The following LHFPL6 variants were observed in gnomAD, a reference collection of about 807,000 sequenced individuals.
LHFPL6 encodes the protein LHFPL tetraspan subfamily member 6 protein.
In LHFPL6, 9 loss-of-function variants were observed where a neutral mutation model predicts 20.6. The ratio of observed to expected loss-of-function variants is 0.44; its 90% confidence interval spans 0.26 to 0.76. LHFPL6 has a LOEUF of 0.76. LHFPL6 is among the 30% of genes least tolerant of loss of function. The probability of loss-of-function intolerance (pLI) is 0.20; values close to 1 mark genes in which losing one functional copy is unlikely to be tolerated. For synonymous variants in LHFPL6, 105 were observed against 98.7 expected, an observed-to-expected ratio of 1.06 and a Z score of -0.38; for missense variants, 218 against 253.5, an observed-to-expected ratio of 0.86 and a Z score of 0.95.
At chr13:39,506,351 T>C (rs1869483165) in intron 2 of LHFPL6, among the ~76,000 whole-genome samples, 1 of 152,148 alleles carries the variant, frequency 6.6e-6, no homozygotes, top group East Asian at 1.9e-4. Context: ...AGGATCCTAA[T>C]GGTGTTCAGT....
chr13:39,568,140 T>C (rs544973876), intron 2 of LHFPL6, among the ~76,000 whole-genome samples: 1 of 152,294 alleles, frequency 6.6e-6, no homozygotes, highest in South Asian at 2.1e-4. Flanking sequence ...AAGTGTTAGG[T>C]AGAGAAAACT....
rs143030484 is a variant in LHFPL6 at position 39,404,768 on chromosome 13, T to C, written c.386-26242A>G. 6.2e-4 allele frequency among the ~76,000 whole-genome samples: 95 copies of C among 152,324 alleles called. 2 individuals carry two copies. In the East Asian group the frequency reaches 0.018, roughly 29 times the overall value. ...AGCTATGCCATCTTTGTTCTGATCC[T>C]CCCTATGCCTCCTAGATGGTGTACC... On this transcript the variant is annotated intron_variant, in intron 2 of 3. Transcript: ENST00000379589.
At chr13:39,552,061 C>T (rs1871157499) in intron 2 of LHFPL6, among the ~76,000 whole-genome samples, 1 of 152,122 alleles carries the variant, frequency 6.6e-6, no homozygotes, top group Non-Finnish European at 1.5e-5. Context: ...TTATTTCAAA[C>T]ATCAGAAAAT....
chr13:39,552,940 G>A (rs2138513396), intron 2 of LHFPL6, among the ~76,000 whole-genome samples: 1 of 152,170 alleles, frequency 6.6e-6, no homozygotes, highest in South Asian at 2.1e-4. Flanking sequence ...TGAGGATGAT[G>A]CTTTGGGATA....
chr13:39,434,426 C>T (rs1012016260), intron 2 of LHFPL6, among the ~76,000 whole-genome samples: 10 of 152,154 alleles, frequency 6.6e-5, no homozygotes, highest in African/African-American at 2.2e-4. Flanking sequence ...CAAGCATTTG[C>T]AACATGAGTG....
intron 2 of LHFPL6, among the ~76,000 whole-genome samples, chr13:39,562,707 TAC>T (rs1555268312): frequency 8.2e-6 from 1 of 122,132 alleles, no homozygotes; most frequent in African/African-American, 2.7e-5. Context: ...TATATATATA[TAC>T]ACACACACAC....
chr13:39,542,131 T>TAAA (rs1555267303), intron 2 of LHFPL6, among the ~76,000 whole-genome samples: 116 of 142,698 alleles, frequency 8.1e-4, no homozygotes, highest in Non-Finnish European at 1.5e-3. Flanking sequence ...ATAATAATAA[T>TAAA]AAAATAAAAA....
At chr13:39,525,165 T>C (rs1235961144) in intron 2 of LHFPL6, among the ~76,000 whole-genome samples, 1 of 152,112 alleles carries the variant, frequency 6.6e-6, no homozygotes, top group Non-Finnish European at 1.5e-5. Flanking sequence ...TGGCAAGAGG[T>C]GCTGCCAATT....
At chr13:39,412,723 G>C (rs2138388561) in intron 2 of LHFPL6, among the ~76,000 whole-genome samples, 1 of 152,238 alleles carries the variant, frequency 6.6e-6, no homozygotes, top group East Asian at 1.9e-4. Flanking sequence ...AGGAATTCAA[G>C]ACCAGCCTGG....
At chr13:39,432,003 AG>A (rs1871824931) in intron 2 of LHFPL6, among the ~76,000 whole-genome samples, 1 of 152,060 alleles carries the variant, frequency 6.6e-6, no homozygotes, top group Admixed American at 6.6e-5. Flanking sequence ...GATTAAATTA[AG>A]GGGGCTCCAC....
intron 3 of LHFPL6, among the ~76,000 whole-genome samples, chr13:39,376,066 A>C (rs1324198266): frequency 6.6e-6 from 1 of 152,196 alleles, no homozygotes; most frequent in African/African-American, 2.4e-5. Flanking sequence ...TCAAAGTTTT[A>C]TTCCACAATG....
chr13:39,562,623 T>C (rs201636530), intron 2 of LHFPL6, among the ~76,000 whole-genome samples: 12,483 of 100,612 alleles, frequency 0.12, 690 homozygotes, highest in East Asian at 0.26. Context: ...TACACATATA[T>C]ACACACATAT....
chr13:39,418,371 G>GTT (rs1167622350), intron 2 of LHFPL6, among the ~76,000 whole-genome samples: 1 of 85,906 alleles, frequency 1.2e-5, no homozygotes, highest in Non-Finnish European at 2.2e-5. Flanking sequence ...AAAGGGTAAA[G>GTT]TTTTTTTGGT....
At chr13:39,562,351 C>T (rs1323369411) in intron 2 of LHFPL6, among the ~76,000 whole-genome samples, 2 of 145,798 alleles carry the variant, frequency 1.4e-5, no homozygotes, top group South Asian at 2.1e-4. Context: ...TATATATATA[C>T]ATATATATAC....
At position 39,457,623 on chromosome 13, in the gene LHFPL6, T is replaced by C. The variant is rs574962637; in HGVS notation, c.386-79097A>G. Among the ~76,000 whole-genome samples, 3 of 152,342 alleles carry C rather than the reference T, an allele frequency of 2.0e-5. No homozygotes were observed. In the South Asian group the frequency reaches 6.2e-4, roughly 32 times the overall value. On this transcript the variant is annotated intron_variant, in intron 2 of 3. Coordinates refer to ENST00000379589, the MANE Select transcript of LHFPL6 (RefSeq NM_005780.3). ...ACCATATGACTCTGCAATCTATTCC[T>C]GTTTGCGCAAAGGCAAAACCACAAT...
At chr13:39,492,596 AT>A (rs1287761770) in intron 2 of LHFPL6, among the ~76,000 whole-genome samples, 3 of 152,164 alleles carry the variant, frequency 2.0e-5, no homozygotes, top group Non-Finnish European at 4.4e-5. Flanking sequence ...TGTGTATAAT[AT>A]ACATATTTTT....
chr13:39,445,930 T>C (rs1872275471), intron 2 of LHFPL6, among the ~76,000 whole-genome samples: 1 of 152,174 alleles, frequency 6.6e-6, no homozygotes, highest in Non-Finnish European at 1.5e-5. Context: ...GTCTTCATAA[T>C]TAGCATCACA....
intron 2 of LHFPL6, among the ~76,000 whole-genome samples, chr13:39,543,300 T>C (rs1445192040): frequency 1.6e-4 from 24 of 152,230 alleles, no homozygotes; most frequent in Admixed American, 1.6e-3. Flanking sequence ...AAGGAAAGCA[T>C]GCCAGTTCTT....
chr13:39,578,698 A>G (rs988737114), intron 2 of LHFPL6, among the ~76,000 whole-genome samples: 3 of 152,202 alleles, frequency 2.0e-5, no homozygotes, highest in African/African-American at 7.2e-5. Flanking sequence ...AAAAATTGTG[A>G]CAGGTACAGG....
Sources: gnomAD v4.1 joint callset for allele counts (sites outside exome capture counted in the v4.1 genomes callset) on GRCh38, gnomAD v4.1.1 for gene constraint, MANE v1.5 for transcripts, NCBI Gene and HGNC (gene_info 2026-07-23, HGNC 2026-07-21) for gene names.